Variants in SNX29 observed in about 807,000 individuals in gnomAD.
SNX29 encodes sorting nexin-29.
SNX29 carries 78 observed loss-of-function variants against 102.1 expected under a neutral mutation model. The ratio of observed to expected loss-of-function variants is 0.76; its 90% CI spans 0.64 to 0.92. The LOEUF is 0.92. Among genes scored for constraint, SNX29 ranks in the 40% least tolerant of loss-of-function variants. SNX29 has a pLI of 0.00. For missense variants in SNX29, 1,280 were observed against 1,061.7 expected, an observed-to-expected ratio of 1.21 and a Z score of -2.86; for synonymous variants, 580 against 414.5, an observed-to-expected ratio of 1.40 and a Z score of -4.85.
At chr16:12,568,446 G>A (rs534212539) in intron 20 of SNX29, 60 bp from the exon 21 acceptor site, 6 of 1,595,560 alleles carry the variant, frequency 3.8e-6, no homozygotes, top group African/African-American at 2.7e-5. Flanking sequence ...CCCCTTCCTG[G>A]CCTGTGGTCA....
chr16:12,176,812 G>T (rs1337455929), intron 13 of SNX29, among the ~76,000 whole-genome samples: 1 of 152,146 alleles, frequency 6.6e-6, no homozygotes, highest in Non-Finnish European at 1.5e-5. Context: ...ATCAAATGTT[G>T]ATTCTCATTT....
At chr16:12,331,041 G>A (rs1210218827) in intron 15 of SNX29, among the ~76,000 whole-genome samples, 2 of 152,228 alleles carry the variant, frequency 1.3e-5, no homozygotes, top group African/African-American at 2.4e-5. Context: ...GCCAACTACA[G>A]TTCCTTGCTT....
chr16:12,185,720 G>A (rs2076493851), intron 13 of SNX29, among the ~76,000 whole-genome samples: 1 of 152,218 alleles, frequency 6.6e-6, no homozygotes, highest in Non-Finnish European at 1.5e-5. Flanking sequence ...GCAAGAGCCA[G>A]ATTGAGTTTT....
At chr16:12,516,782 G>C (rs3751789) in intron 19 of SNX29, among the ~76,000 whole-genome samples, 3,681 of 152,244 alleles carry the variant, frequency 0.024, 177 homozygotes, top group East Asian at 0.21. Flanking sequence ...TCCTGGGGAG[G>C]GGCCCACTGG....
At chr16:12,517,351 C>T (rs371891609) in intron 19 of SNX29, among the ~76,000 whole-genome samples, 17 of 152,314 alleles carry the variant, frequency 1.1e-4, no homozygotes, top group Admixed American at 3.3e-4. Flanking sequence ...TGCCCTGTCT[C>T]CTCCTGGGAG....
intron 13 of SNX29, among the ~76,000 whole-genome samples, chr16:12,140,405 G>C (rs1239335907): frequency 2.0e-5 from 3 of 152,178 alleles, no homozygotes; most frequent in Non-Finnish European, 1.5e-5. Context: ...CCCAAGCCTG[G>C]GTCCCATTCC....
At chr16:12,159,648 C>A (rs1251554666) in intron 13 of SNX29, among the ~76,000 whole-genome samples, 1 of 152,054 alleles carries the variant, frequency 6.6e-6, no homozygotes, top group Non-Finnish European at 1.5e-5. Context: ...TCACTTGAGC[C>A]CAGAAGTTTG....
At position 12,096,610 on chromosome 16, in the gene SNX29, A is replaced by T. The variant is rs1297955380; in HGVS notation, c.1402+17695A>T. 1.3e-5 allele frequency among the ~76,000 whole-genome samples: 2 copies of T among 152,212 alleles called. No homozygotes were observed. Among genetic ancestry groups the T allele is most frequent in the Non-Finnish European group, 2.9e-5 (2 of 68,044 alleles). On this transcript the variant is annotated intron_variant, in intron 11 of 20. Transcript: ENST00000566228. The surrounding 1 kb of genome is among the most constrained non-coding windows in gnomAD (Gnocchi z 4.2). ...TTCTAGTGGAGTTTTATGGTAATAA[A>T]GAAATGATGAATGATTGGATGGGGC...
At chr16:12,251,972 G>T (rs1175829860) in intron 14 of SNX29, among the ~76,000 whole-genome samples, 11 of 152,058 alleles carry the variant, frequency 7.2e-5, no homozygotes, top group Non-Finnish European at 1.6e-4. Context: ...TGTTGCTCAG[G>T]CTGGTGTCGA....
intron 13 of SNX29, among the ~76,000 whole-genome samples, chr16:12,168,314 C>T (rs1176208083): frequency 6.6e-6 from 1 of 152,054 alleles, no homozygotes; most frequent in Non-Finnish European, 1.5e-5. Context: ...GTGCAAAAGC[C>T]CAGAAGTGAG....
At chr16:12,235,642 A>ATT (rs1413869350) in intron 14 of SNX29, among the ~76,000 whole-genome samples, 2 of 152,234 alleles carry the variant, frequency 1.3e-5, no homozygotes, top group Non-Finnish European at 2.9e-5. Flanking sequence ...AAGACTCAAA[A>ATT]TAACACAGAG....
chr16:12,476,378 AAAAAAATAT>A (rs2087606423), intron 18 of SNX29, among the ~76,000 whole-genome samples: 103 of 27,534 alleles, frequency 3.7e-3, no homozygotes, highest in African/African-American at 0.016. Flanking sequence ...AAAAAAAAAA[AAAAAAATAT>A]ATATATATAT....
At chr16:12,563,310 T>G (rs1598083365) in intron 20 of SNX29, among the ~76,000 whole-genome samples, 1 of 152,168 alleles carries the variant, frequency 6.6e-6, no homozygotes, top group South Asian at 2.1e-4. Flanking sequence ...GTCTGCTTTG[T>G]GACTGGAGAG....
intron 8 of SNX29, among the ~76,000 whole-genome samples, chr16:12,055,747 G>A (rs936672758): frequency 1.3e-5 from 2 of 152,134 alleles, no homozygotes; most frequent in South Asian, 2.1e-4. Context: ...ATTATGCAGC[G>A]TAATCTGGTT....
intron 20 of SNX29, among the ~76,000 whole-genome samples, chr16:12,551,240 G>C (rs960101548): frequency 6.6e-6 from 1 of 152,102 alleles, no homozygotes; most frequent in Non-Finnish European, 1.5e-5. Context: ...TCTGAGGACA[G>C]TCTAAAAATC....
At chr16:12,457,564 G>C (rs1367166648) in intron 18 of SNX29, among the ~76,000 whole-genome samples, 1 of 152,162 alleles carries the variant, frequency 6.6e-6, no homozygotes, top group Admixed American at 6.5e-5. Flanking sequence ...CAGATTAGGT[G>C]GGGGAAAAGA....
rs142863528 is a variant in SNX29 at position 12,013,727 on chromosome 16, C to T, written c.122+10684C>T. Among the ~76,000 whole-genome samples, 689 of 151,338 alleles carry T rather than the reference C, an allele frequency of 4.6e-3. 8 individuals are homozygous for T. Among genetic ancestry groups the T allele is most frequent in the African/African-American group, 0.016 (639 of 41,206 alleles). On this transcript the variant is annotated intron_variant, in intron 3 of 20. Transcript: ENST00000566228. ...TGGCATAATCTTGGCTCACTGCAAC[C>T]TCTGCCTCCCAGGTTCAAGTGATTC...
At chr16:12,183,021 A>C (rs2076426024) in intron 13 of SNX29, among the ~76,000 whole-genome samples, 1 of 151,230 alleles carries the variant, frequency 6.6e-6, no homozygotes, top group Non-Finnish European at 1.5e-5. Flanking sequence ...GGTTGGGGGT[A>C]GAGACAGGGT....
At chr16:12,170,812 G>C (rs910954380) in intron 13 of SNX29, among the ~76,000 whole-genome samples, 3 of 151,634 alleles carry the variant, frequency 2.0e-5, no homozygotes, top group African/African-American at 7.3e-5. Flanking sequence ...TGTGTATGGG[G>C]TGTGTGACTA....
Sources: gnomAD v4.1 joint callset for allele counts (sites outside exome capture counted in the v4.1 genomes callset) on GRCh38, gnomAD v4.1.1 for gene constraint, Gnocchi (gnomAD v3.1) non-coding constraint, MANE v1.5 for transcripts, NCBI Gene and HGNC (gene_info 2026-07-23, HGNC 2026-07-21) for gene names.